The following PAFAH1B2 variants were observed in gnomAD, a reference collection of about 807,000 sequenced individuals.
PAFAH1B2 encodes platelet activating factor acetylhydrolase 1b catalytic subunit 2, also known as platelet-activating factor acetylhydrolase IB subunit alpha2.
A neutral mutation model predicts 28.0 loss-of-function variants in PAFAH1B2; 8 were observed. The observed-to-expected ratio is 0.29, with a 90% confidence interval of 0.17 to 0.52. The LOEUF (loss-of-function observed/expected upper bound fraction) is 0.52, where lower values mean the gene tolerates loss of function less well. Among genes scored for constraint, PAFAH1B2 ranks in the 20% least tolerant of loss-of-function variants. The pLI is 0.97. For missense variants in PAFAH1B2, 190 were observed against 282.6 expected (o/e 0.67, Z 2.35); for synonymous variants, 104 against 103.2 (o/e 1.01, Z -0.05).
rs1956631480 is a variant in PAFAH1B2, at chr11:117,170,647, A to G, written c.*2948A>G. ...TGTTTAAAAAAAAAAAAAAAAAAAA[A>G]GTCCAACTTACTTTATTTTATTTTT... On this transcript the variant is annotated 3_prime_UTR_variant, in exon 6 of 6. Transcript: ENST00000527958. The G allele has an allele frequency of 8.1e-6, 8 of 993,756 alleles. No homozygotes were observed. The highest frequency in any genetic ancestry group is 9.7e-6 in the Non-Finnish European group (8 of 822,562). 61.6% of individuals were successfully genotyped at this position (993,756 alleles called of 1,614,324 possible).
At chr11:117,153,574 A>G (rs1394695159) in intron 2 of PAFAH1B2, among the ~76,000 whole-genome samples, 1 of 152,096 alleles carries the variant, frequency 6.6e-6, no homozygotes, top group Non-Finnish European at 1.5e-5. Context: ...TATTTTTAGT[A>G]GAGACAGGGT....
At chr11:117,157,125 T>G (rs1302062519) in intron 2 of PAFAH1B2, among the ~76,000 whole-genome samples, 1 of 152,082 alleles carries the variant, frequency 6.6e-6, no homozygotes, top group African/African-American at 2.4e-5. Flanking sequence ...CACTAAACTT[T>G]TATTCTTTCT....
exon 6 of PAFAH1B2, chr11:117,176,209 G>A (rs1273751445): frequency 2.1e-6 from 1 of 479,602 alleles, no homozygotes; most frequent in African/African-American, 2.0e-5. Flanking sequence ...TTATCTTCCA[G>A]CTGACTTTCT....
At position 117,150,763 on chromosome 11, in the gene PAFAH1B2, C is replaced by T. The variant is rs184445072; in HGVS notation, c.-7-1678C>T. ...AAAAGATTGCTTATATAGAAGATGACCTCCTTTTCTTCAGGAGATCGAGAC... is the reference window on the plus strand; with the variant it reads ...AAAAGATTGCTTATATAGAAGATGATCTCCTTTTCTTCAGGAGATCGAGAC... On this transcript the variant is annotated intron_variant, in intron 1 of 5. Coordinates refer to ENST00000527958, the MANE Select transcript of PAFAH1B2 (RefSeq NM_002572.4). Among the ~76,000 whole-genome samples the T allele has an allele frequency of 2.6e-5, 4 of 152,086 alleles. No individual in the cohort carries two copies. In the East Asian group the frequency reaches 5.8e-4, roughly 22 times the overall value.
At chr11:117,154,057 T>A (rs1054686477) in intron 2 of PAFAH1B2, among the ~76,000 whole-genome samples, 1 of 151,320 alleles carries the variant, frequency 6.6e-6, no homozygotes, top group Admixed American at 6.6e-5. Context: ...AAGGCTACAA[T>A]GAACTATAAT....
downstream of PAFAH1B2, chr11:117,171,193 C>A: frequency 2.1e-6 from 1 of 466,306 alleles, no homozygotes; most frequent in Non-Finnish European, 2.9e-6. Context: ...GCTGACTCAT[C>A]ACTTACCTTC....
rs771667514 is a variant in PAFAH1B2, at chr11:117,144,297, C to T, written c.-129C>T. On this transcript the variant is annotated 5_prime_UTR_variant, in exon 1 of 6. Coordinates refer to ENST00000527958, the MANE Select transcript of PAFAH1B2 (RefSeq NM_002572.4). Reference sequence around the variant, plus strand: ...AGGGGAACCGGAAGTGGAGGAGCTGCTGCTGGTGCTGGGGCCGGAGGAGGG... The same window carrying T: ...AGGGGAACCGGAAGTGGAGGAGCTGTTGCTGGTGCTGGGGCCGGAGGAGGG... 1.3e-5 allele frequency: 5 copies of T among 380,710 alleles called. No individual in the cohort carries two copies. The highest frequency in any genetic ancestry group is 8.6e-4 in the Middle Eastern group (1 of 1,164). 23.6% of individuals were successfully genotyped at this position (380,710 alleles called of 1,614,324 possible).
At chr11:117,167,119 T>A (rs1425538396) in intron 5 of PAFAH1B2, among the ~76,000 whole-genome samples, 2 of 152,130 alleles carry the variant, frequency 1.3e-5, no homozygotes, top group East Asian at 3.8e-4. Context: ...TTTCTGTAGC[T>A]TAGAAGTTTC....
At position 117,169,577 on chromosome 11, in the gene PAFAH1B2, A is replaced by G; in HGVS notation, c.*1878A>G. 1.9e-6 allele frequency: 2 copies of G among 1,055,058 alleles called. No individual in the cohort carries two copies. The highest frequency in any genetic ancestry group is 2.3e-6 in the Non-Finnish European group (2 of 872,614). 65.4% of individuals were successfully genotyped at this position (1,055,058 alleles called of 1,614,324 possible). A position where few individuals can be genotyped will look rare whatever the true frequency, so the allele number is the denominator to read the frequency against. ...TTTTTTTCTTGTGAAGTCTCTTTCTAGAAAATTTTTTGGTTTTGTTCTTTT... is the reference window on the plus strand; with the variant it reads ...TTTTTTTCTTGTGAAGTCTCTTTCTGGAAAATTTTTTGGTTTTGTTCTTTT... On this transcript the variant is annotated 3_prime_UTR_variant, in exon 6 of 6. Transcript: ENST00000527958.
At chr11:117,156,646 T>C (rs1383776580) in intron 2 of PAFAH1B2, among the ~76,000 whole-genome samples, 9 of 152,180 alleles carry the variant, frequency 5.9e-5, no homozygotes, top group South Asian at 2.1e-4. Context: ...TATTACACTT[T>C]AGGAGAAAAG....
At chr11:117,172,848 C>T (rs562154983), downstream of PAFAH1B2, among the ~76,000 whole-genome samples, 2 of 152,134 alleles carry the variant, frequency 1.3e-5, no homozygotes, top group Non-Finnish European at 2.9e-5. Context: ...GAATTACAGG[C>T]GTGTACCACC....
chr11:117,146,782 C>T (rs1198464002), intron 1 of PAFAH1B2, among the ~76,000 whole-genome samples: 1 of 150,906 alleles, frequency 6.6e-6, no homozygotes, highest in Non-Finnish European at 1.5e-5. Context: ...AGCAGGATCA[C>T]TTGAGCCTAG....
chr11:117,147,906 C>CT (rs910831663), intron 1 of PAFAH1B2, among the ~76,000 whole-genome samples: 2 of 151,982 alleles, frequency 1.3e-5, no homozygotes, highest in Non-Finnish European at 2.9e-5. Context: ...TATGTGTATG[C>CT]TTTTTTTATT....
chr11:117,150,052 A>G (rs998212249), intron 1 of PAFAH1B2, among the ~76,000 whole-genome samples: 1 of 152,194 alleles, frequency 6.6e-6, no homozygotes, highest in East Asian at 1.9e-4. Context: ...ATTAACTAAC[A>G]TGTAAGTTTT....
At chr11:117,171,896 G>C (rs1956659018), downstream of PAFAH1B2, 1 of 647,700 alleles carries the variant, frequency 1.5e-6, no homozygotes, top group Non-Finnish European at 2.6e-6. Context: ...GGTAAATTGA[G>C]ACATTTTGTT....
chr11:117,146,915 A>T (rs1002976717), intron 1 of PAFAH1B2, among the ~76,000 whole-genome samples: 1 of 151,658 alleles, frequency 6.6e-6, no homozygotes, highest in Middle Eastern at 3.2e-3. Context: ...GCAGTGAGCC[A>T]TGATTTCTCC....
intron 2 of PAFAH1B2, among the ~76,000 whole-genome samples, chr11:117,156,814 A>G (rs1463919105): frequency 1.3e-5 from 2 of 152,118 alleles, no homozygotes; most frequent in African/African-American, 4.8e-5. Context: ...CTTGAGTTCC[A>G]GACCAGCCTG....
chr11:117,151,896 G>A (rs890766037), intron 1 of PAFAH1B2, among the ~76,000 whole-genome samples: 1 of 151,474 alleles, frequency 6.6e-6, no homozygotes, highest in African/African-American at 2.4e-5. Context: ...TTTAGTAGAG[G>A]CAGGGTTTCA....
At chr11:117,174,484 AT>A (rs34169524), downstream of PAFAH1B2, among the ~76,000 whole-genome samples, 4 of 107,940 alleles carry the variant, frequency 3.7e-5, no homozygotes, top group Non-Finnish European at 9.0e-5. Flanking sequence ...GCCCCTGGCC[AT>A]TTTTTTTTCT....
Sources: allele counts gnomAD v4.1 joint callset (sites outside exome capture counted in the v4.1 genomes callset), GRCh38; gene constraint gnomAD v4.1.1; transcripts MANE v1.5; gene names NCBI Gene and HGNC (gene_info 2026-07-23, HGNC 2026-07-21).